Variants in NFILZ observed in about 807,000 individuals in gnomAD.
The protein encoded by NFILZ is NFIL3 like protein.
rs2043141809 is a variant in NFILZ at position 8,680,525 on chromosome 19, C to T, written c.*2890C>T. ...GTCTCAAGATCATAAAGATAGTCTC[C>T]TATCTTTATGTTCCAGGTACTGGGG... On this transcript the variant is annotated 3_prime_UTR_variant, in exon 6 of 6. Transcript: ENST00000691075. Among the ~76,000 whole-genome samples the T allele has an allele frequency of 6.6e-6, 1 of 152,102 alleles. No individual in the cohort carries two copies. The highest frequency in any genetic ancestry group is 2.4e-5 in the African/African-American group (1 of 41,402).
chr19:8,635,925 C>T (rs556249236), intron 3 of NFILZ, among the ~76,000 whole-genome samples, 179 bp downstream of exon 3: 106 of 152,240 alleles, frequency 7.0e-4, no homozygotes, highest in Middle Eastern at 3.4e-3. Flanking sequence ...CCACCTCTGC[C>T]TCCTGGGCTC....
chr19:8,663,377 G>T (rs1459682038), intron 3 of NFILZ, among the ~76,000 whole-genome samples: 3 of 151,088 alleles, frequency 2.0e-5, no homozygotes, highest in African/African-American at 7.3e-5. Context: ...CACTTGCAGG[G>T]CTGGTGGCAG....
intron 3 of NFILZ, among the ~76,000 whole-genome samples, chr19:8,656,429 C>CCCACCTTCTCTCTGA (rs2043000354): frequency 4.2e-5 from 1 of 23,580 alleles, no homozygotes; most frequent in African/African-American, 1.0e-4. Flanking sequence ...CCTCTTTCCG[C>CCCACCTTCTCTCTGA]AGCCCACCTT....
At chr19:8,636,995 G>A (rs1380504613) in intron 3 of NFILZ, among the ~76,000 whole-genome samples, 13 of 152,106 alleles carry the variant, frequency 8.5e-5, no homozygotes, top group African/African-American at 2.9e-4. Flanking sequence ...ATAGAAGTGC[G>A]AATCAGGTGA....
intron 2 of NFILZ, among the ~76,000 whole-genome samples, chr19:8,635,047 C>T (rs1219679035): frequency 6.6e-6 from 1 of 151,208 alleles, no homozygotes; most frequent in Non-Finnish European, 1.5e-5. Flanking sequence ...TGGTGGCTCA[C>T]ACTTGTAATC....
chr19:8,668,460 C>T (rs1196870699), intron 3 of NFILZ, among the ~76,000 whole-genome samples: 2 of 152,084 alleles, frequency 1.3e-5, no homozygotes, highest in Non-Finnish European at 2.9e-5. Context: ...TCTTGTTTGA[C>T]AGTTGTCATT....
chr19:8,648,134 A>G (rs2042950185), intron 3 of NFILZ, among the ~76,000 whole-genome samples: 1 of 134,632 alleles, frequency 7.4e-6, no homozygotes, highest in Admixed American at 9.1e-5. Context: ...AGATTGAGCC[A>G]CTGTACTCCA....
intron 3 of NFILZ, among the ~76,000 whole-genome samples, chr19:8,672,393 CA>C (rs1173200264): frequency 6.7e-6 from 1 of 148,720 alleles, no homozygotes; most frequent in Non-Finnish European, 1.5e-5. Flanking sequence ...TAGTTCATTC[CA>C]AAAAATATTC....
rs1555750954 is a variant in NFILZ at position 8,678,087 on chromosome 19, T to G, written c.*452T>G. 1.9e-4 allele frequency among the ~76,000 whole-genome samples: 1 copy of G among 5,158 alleles called. No homozygotes were observed. Among genetic ancestry groups the G allele is most frequent in the Non-Finnish European group, 4.8e-4 (1 of 2,068 alleles). The allele number at this position is 5,158 out of a possible 152,430, so 3.4% of individuals were successfully genotyped here. A position where few individuals can be genotyped will look rare whatever the true frequency, so the allele number is the denominator to read the frequency against. ...ATTCATCCATCCATCAATCCATCCA[T>G]CCATTCCATCCATCCATCCATCCAT... On this transcript the variant is annotated 3_prime_UTR_variant, in exon 6 of 6. Transcript: ENST00000691075.
At chr19:8,640,707 G>A (rs1555746579) in intron 3 of NFILZ, among the ~76,000 whole-genome samples, 1 of 152,154 alleles carries the variant, frequency 6.6e-6, no homozygotes, top group East Asian at 1.9e-4. Flanking sequence ...GTTGGCAACA[G>A]AATATGTTGT....
At chr19:8,647,024 A>AAT (rs1306244287) in intron 3 of NFILZ, among the ~76,000 whole-genome samples, 1 of 152,138 alleles carries the variant, frequency 6.6e-6, no homozygotes, top group Non-Finnish European at 1.5e-5. Flanking sequence ...TCATCTGTAA[A>AAT]ATAGGATGTT....
intron 2 of NFILZ, among the ~76,000 whole-genome samples, chr19:8,634,137 AC>A (rs1295124170): frequency 1.3e-5 from 2 of 151,752 alleles, no homozygotes; most frequent in Non-Finnish European, 2.9e-5. Flanking sequence ...AGCTGGGACT[AC>A]AGGTGTGTGC....
rs1207641470 is a variant in NFILZ at position 8,656,335 on chromosome 19, T to TCCC, written c.-163-18216_-163-18215insCCC. 2.8e-4 allele frequency among the ~76,000 whole-genome samples: 7 copies of TCCC among 24,986 alleles called. 1 individual carries two copies. The highest frequency in any genetic ancestry group is 4.7e-4 in the East Asian group (1 of 2,128). The allele number at this position is 24,986 out of a possible 152,430, so 16.4% of individuals were successfully genotyped here. On this transcript the variant is annotated intron_variant, in intron 3 of 5. Transcript: ENST00000691075. Reference sequence around the variant, plus strand: ...GCACCTCCTCCCTGAAGCCCCCTTCTTCCTGAAGCCCACCTCTTCCCTGAA... The same window carrying TCCC: ...GCACCTCCTCCCTGAAGCCCCCTTCTCCCTCCTGAAGCCCACCTCTTCCCTGAA...
chr19:8,666,988 G>C (rs546919146), intron 3 of NFILZ, among the ~76,000 whole-genome samples: 1 of 145,920 alleles, frequency 6.9e-6, no homozygotes, highest in Non-Finnish European at 1.5e-5. Context: ...AAGTTCAACT[G>C]TTCCTCCTGC....
intron 3 of NFILZ, among the ~76,000 whole-genome samples, chr19:8,667,936 T>G (rs2043069930): frequency 6.6e-6 from 1 of 152,044 alleles, no homozygotes. Flanking sequence ...ATATATGTAT[T>G]TTTTATTTTA....
At position 8,634,502 on chromosome 19, in the gene NFILZ, T is replaced by A. The variant is rs544858185; in HGVS notation, c.-260-1148T>A. 2.6e-5 allele frequency among the ~76,000 whole-genome samples: 4 copies of A among 152,320 alleles called. No individual in the cohort carries two copies. The South Asian group carries it at 8.3e-4, about 32-fold the overall frequency. On this transcript the variant is annotated intron_variant, in intron 2 of 5. Coordinates refer to ENST00000691075, the MANE Select transcript of NFILZ (RefSeq NM_001378600.1). ...TCTCTCTCAAATTCCTGGCCTCAAG[T>A]AATCCTCTTGCCTCAGCCTACCAAA...
At chr19:8,641,690 C>A (rs11669146) in intron 3 of NFILZ, among the ~76,000 whole-genome samples, 1 of 152,208 alleles carries the variant, frequency 6.6e-6, no homozygotes, top group Non-Finnish European at 1.5e-5. Context: ...CCCTTACCAG[C>A]TGAGATGTCT....
intron 3 of NFILZ, among the ~76,000 whole-genome samples, chr19:8,645,372 T>G (rs557260509): frequency 1.3e-5 from 2 of 150,054 alleles, no homozygotes; most frequent in Admixed American, 6.7e-5. Flanking sequence ...CTCCTGGCCA[T>G]AAGCTAATCC....
intron 3 of NFILZ, among the ~76,000 whole-genome samples, chr19:8,654,132 T>C (rs1210821031): frequency 6.6e-6 from 1 of 152,112 alleles, no homozygotes; most frequent in East Asian, 1.9e-4. Flanking sequence ...ATCCGGAGGC[T>C]GAGGCAGGAG....
Sources: gnomAD v4.1 joint callset for allele counts (sites outside exome capture counted in the v4.1 genomes callset) on GRCh38, gnomAD v4.1.1 for gene constraint, MANE v1.5 for transcripts, NCBI Gene and HGNC (gene_info 2026-07-23, HGNC 2026-07-21) for gene names.